MBOAT1: variants seen among roughly 807,000 people sequenced by gnomAD.
The protein encoded by MBOAT1 is membrane bound glycerophospholipid O-acyltransferase 1.
A neutral mutation model predicts 64.4 loss-of-function variants in MBOAT1; 67 were observed. The ratio of observed to expected loss-of-function variants is 1.04; its 90% CI spans 0.85 to 1.27. The LOEUF (loss-of-function observed/expected upper bound fraction) is 1.27, where lower values mean the gene tolerates loss of function less well. Among genes scored for constraint, MBOAT1 ranks in the 50% most tolerant of loss-of-function variants. MBOAT1 has a pLI of 0.00. For synonymous variants in MBOAT1, 229 were observed against 218.9 expected (o/e 1.05, Z -0.41); for missense variants, 563 against 604.6 (o/e 0.93, Z 0.72).
intron 8 of MBOAT1, among the ~76,000 whole-genome samples, chr6:20,122,746 A>G (rs1760530457): frequency 6.6e-6 from 1 of 152,150 alleles, no homozygotes; most frequent in South Asian, 2.1e-4. Flanking sequence ...GTGGCACAGT[A>G]TTGTGAATGA....
intron 1 of MBOAT1, 84 bp downstream of exon 1, chr6:20,212,052 A>G: frequency 1.6e-6 from 2 of 1,216,426 alleles, no homozygotes; most frequent in South Asian, 1.3e-5. Context: ...ATGGAGGCGG[A>G]GGGACGGTGG....
intron 2 of MBOAT1, 103 bp downstream of exon 2, chr6:20,152,521 A>T: frequency 8.2e-7 from 1 of 1,212,928 alleles, no homozygotes. Flanking sequence ...TTTACAATAC[A>T]TATTTTATAA....
At chr6:20,168,376 A>T (rs1762069738) in intron 1 of MBOAT1, among the ~76,000 whole-genome samples, 1 of 151,876 alleles carries the variant, frequency 6.6e-6, no homozygotes, top group South Asian at 2.1e-4. Flanking sequence ...GAGGCAGGAG[A>T]ATGGCTTGAG....
At chr6:20,133,510 G>A (rs760391420) in intron 4 of MBOAT1, among the ~76,000 whole-genome samples, 3 of 152,108 alleles carry the variant, frequency 2.0e-5, no homozygotes, top group Admixed American at 6.6e-5. Context: ...TTCCAAACAC[G>A]GCCTTCAAAG....
At chr6:20,192,597 C>A (rs902836183) in intron 1 of MBOAT1, among the ~76,000 whole-genome samples, 1 of 152,140 alleles carries the variant, frequency 6.6e-6, no homozygotes, top group Admixed American at 6.5e-5. Context: ...ACAATGAAAC[C>A]TTTTCTCTAC....
At chr6:20,106,881 A>T (rs915444203) in intron 12 of MBOAT1, among the ~76,000 whole-genome samples, 1 of 152,186 alleles carries the variant, frequency 6.6e-6, no homozygotes, top group Non-Finnish European at 1.5e-5. Context: ...AGGTGTTTTT[A>T]AAAAAATATT....
chr6:20,167,775 C>A (rs1295319822), intron 1 of MBOAT1, among the ~76,000 whole-genome samples: 1 of 152,186 alleles, frequency 6.6e-6, no homozygotes, highest in Non-Finnish European at 1.5e-5. Flanking sequence ...AAAATAGGAA[C>A]CATGCAACTA....
Position 20,137,412 on chromosome 6 carries a change from C to A in MBOAT1, c.420-6213G>T, listed in dbSNP as rs577283667. Among the ~76,000 whole-genome samples, 17 of 152,308 alleles carry A rather than the reference C, an allele frequency of 1.1e-4. No homozygotes were observed. The South Asian group carries it at 3.5e-3, about 32-fold the overall frequency. ...AAAAGGAAGAATCAGTTTGCTCTCA[C>A]AAACCTAAAAGGAACTAAGTACCAG... On this transcript the variant is annotated intron_variant, in intron 4 of 12. Coordinates refer to ENST00000324607, the MANE Select transcript of MBOAT1 (RefSeq NM_001080480.3).
intron 7 of MBOAT1, among the ~76,000 whole-genome samples, chr6:20,126,277 A>G (rs993439587): frequency 1.3e-5 from 2 of 152,240 alleles, no homozygotes; most frequent in Admixed American, 6.5e-5. Flanking sequence ...TATGCACTAA[A>G]TATTGACTGA....
At chr6:20,141,359 C>CTTTCTTTTTTTTTTTTTTTTTTTT (rs1761168565) in intron 4 of MBOAT1, among the ~76,000 whole-genome samples, 1 of 99,810 alleles carries the variant, frequency 1.0e-5, no homozygotes, top group African/African-American at 3.3e-5. Flanking sequence ...TTTTCTTTTT[C>CTTTCTTTTTTTTTTTTTTTTTTTT]TTTTTTTTTT....
intron 11 of MBOAT1, among the ~76,000 whole-genome samples, chr6:20,111,839 T>TATATAC (rs1561746257): frequency 7.5e-6 from 1 of 133,048 alleles, no homozygotes; most frequent in East Asian, 2.1e-4. Context: ...TATATACACA[T>TATATAC]ATATATACAT....
intron 11 of MBOAT1, among the ~76,000 whole-genome samples, chr6:20,111,859 C>CGTATATATACATATATATAT (rs1371697719): frequency 9.2e-6 from 1 of 108,646 alleles, no homozygotes; most frequent in African/African-American, 4.2e-5. Flanking sequence ...TATATATATA[C>CGTATATATACATATATATAT]ATATATATAC....
intron 3 of MBOAT1, 61 bp downstream of exon 3, chr6:20,151,124 A>G: frequency 1.6e-6 from 2 of 1,225,688 alleles, no homozygotes; most frequent in Non-Finnish European, 2.4e-6. Context: ...CTGGAAATAT[A>G]TTTCAAAGAT....
chr6:20,181,414 C>T (rs1762504085), intron 1 of MBOAT1, among the ~76,000 whole-genome samples: 1 of 152,182 alleles, frequency 6.6e-6, no homozygotes, highest in Admixed American at 6.5e-5. Flanking sequence ...TTCTTCCCCT[C>T]CCTTTTCCAC....
intron 4 of MBOAT1, among the ~76,000 whole-genome samples, chr6:20,141,464 A>G (rs1761175602): frequency 6.8e-6 from 1 of 147,698 alleles, no homozygotes; most frequent in South Asian, 2.1e-4. Context: ...GGCTCAAGAG[A>G]TTCTCCTACC....
intron 1 of MBOAT1, among the ~76,000 whole-genome samples, chr6:20,178,414 T>A (rs905837351): frequency 1.3e-4 from 20 of 152,176 alleles, no homozygotes; most frequent in African/African-American, 4.8e-4. Context: ...ATAAAAAAAG[T>A]TGATAAATAA....
intron 1 of MBOAT1, among the ~76,000 whole-genome samples, chr6:20,158,092 G>A (rs1316332511): frequency 5.3e-5 from 8 of 150,546 alleles, no homozygotes; most frequent in African/African-American, 2.0e-4. Flanking sequence ...GCAGACAGAG[G>A]TTACAGTGAG....
chr6:20,149,036 G>C (rs1242720757), intron 3 of MBOAT1, among the ~76,000 whole-genome samples: 1 of 151,012 alleles, frequency 6.6e-6, no homozygotes, highest in East Asian at 1.9e-4. Context: ...GGGAGGTGGA[G>C]GTTGCAGTAA....
intron 3 of MBOAT1, among the ~76,000 whole-genome samples, chr6:20,150,113 G>A (rs1761446759): frequency 6.6e-6 from 1 of 152,132 alleles, no homozygotes; most frequent in East Asian, 1.9e-4. Context: ...AAGACCATGT[G>A]AAACAGAGAC....
Sources: gnomAD v4.1 joint callset for allele counts (sites outside exome capture counted in the v4.1 genomes callset) on GRCh38, gnomAD v4.1.1 for gene constraint, MANE v1.5 for transcripts, NCBI Gene and HGNC (gene_info 2026-07-23, HGNC 2026-07-21) for gene names.